Variants in RGS3 observed in about 807,000 individuals in gnomAD.
The protein encoded by RGS3 is regulator of G-protein signalling 3.
Under a neutral mutation model 132.6 loss-of-function variants are expected in RGS3, and 80 were observed. The observed-to-expected ratio is 0.60, with a 90% CI of 0.50 to 0.73. The LOEUF is 0.73. Among genes scored for constraint, RGS3 ranks in the 30% least tolerant of loss-of-function variants. RGS3 has a pLI of 0.00. For missense variants in RGS3, 1,382 were observed against 1,530.8 expected, an observed-to-expected ratio of 0.90 and a Z score of 1.62; for synonymous variants, 598 against 620.6, an observed-to-expected ratio of 0.96 and a Z score of 0.54.
chr9:113,595,944 A>T (rs187173030), intron 24 of RGS3, among the ~76,000 whole-genome samples, 179 bp downstream of exon 22: 13 of 152,352 alleles, frequency 8.5e-5, no homozygotes, highest in Admixed American at 7.8e-4. Flanking sequence ...CCAGTTAGTA[A>T]TAAAAATGGC....
intron 4 of RGS3, among the ~76,000 whole-genome samples, chr9:113,482,053 A>C (rs1830177936): frequency 6.6e-6 from 1 of 151,714 alleles, no homozygotes; most frequent in African/African-American, 2.4e-5. Flanking sequence ...TCTCAAAAAA[A>C]AAAAAAACAA....
At chr9:113,581,124 C>A in intron 19 of RGS3, 1 of 358,058 alleles carries the variant, frequency 2.8e-6, no homozygotes, top group Non-Finnish European at 3.9e-6. Flanking sequence ...ATGGAGAATG[C>A]TCCCTGGTGG....
intron 3 of RGS3, among the ~76,000 whole-genome samples, chr9:113,464,926 G>A (rs910376245): frequency 6.6e-6 from 1 of 152,114 alleles, no homozygotes; most frequent in Non-Finnish European, 1.5e-5. Flanking sequence ...TTTTTCCTTA[G>A]GGGTAGAGGG....
rs77792367 is a variant in RGS3, at chr9:113,501,727, T to C, written c.897+3647T>C. 1,569 of 1,282,550 alleles carry C rather than the reference T, an allele frequency of 1.2e-3. 21 individuals are homozygous for C. The African/African-American group carries it at 0.021, about 17-fold the overall frequency. The allele number at this position is 1,282,550 out of a possible 1,614,324, so 79.4% of individuals were successfully genotyped here. Reference sequence around the variant, plus strand: ...GATCTCGCTCCTCACAAGGTCTTCTTTGACCTTTCCTGCTCCCTGCAGGCT... The same window carrying C: ...GATCTCGCTCCTCACAAGGTCTTCTCTGACCTTTCCTGCTCCCTGCAGGCT... On this transcript the variant is annotated intron_variant, in intron 10 of 24. Transcript: ENST00000350696.
intron 14 of RGS3, among the ~76,000 whole-genome samples, chr9:113,510,524 C>T (rs1435272685): frequency 2.6e-5 from 4 of 152,080 alleles, no homozygotes; most frequent in Non-Finnish European, 5.9e-5. Context: ...GGAGTCTGGT[C>T]GTGGAGGAGG....
chr9:113,557,601 T>A (rs546890600), intron 19 of RGS3, among the ~76,000 whole-genome samples: 90 of 152,326 alleles, frequency 5.9e-4, no homozygotes, highest in African/African-American at 2.1e-3. Flanking sequence ...AGATCTCAGA[T>A]GTCGTCTACT....
intron 3 of RGS3, among the ~76,000 whole-genome samples, chr9:113,467,086 T>C (rs373254322): frequency 8.5e-5 from 13 of 152,364 alleles, no homozygotes; most frequent in African/African-American, 3.1e-4. Context: ...ATTCATTGTA[T>C]GGCTATACCA....
chr9:113,456,352 C>G (rs1190673961), upstream of RGS3, among the ~76,000 whole-genome samples: 1 of 152,214 alleles, frequency 6.6e-6, no homozygotes, highest in African/African-American at 2.4e-5. Flanking sequence ...ACATGGGTCA[C>G]CCAACCTTAG....
intron 19 of RGS3, among the ~76,000 whole-genome samples, chr9:113,578,376 G>A (rs947561839): frequency 1.3e-5 from 2 of 152,206 alleles, no homozygotes; most frequent in Non-Finnish European, 2.9e-5. Flanking sequence ...GAAATCCTAT[G>A]TTATGGCTAA....
intron 7 of RGS3, among the ~76,000 whole-genome samples, chr9:113,488,549 C>T (rs1014986025): frequency 6.6e-6 from 1 of 152,284 alleles, no homozygotes; most frequent in African/African-American, 2.4e-5. Flanking sequence ...CCCAGAAAGC[C>T]CTTTGGGTGG....
chr9:113,472,461 AC>A (rs979276062), intron 3 of RGS3, among the ~76,000 whole-genome samples: 4 of 152,238 alleles, frequency 2.6e-5, no homozygotes, highest in Non-Finnish European at 5.9e-5. Context: ...AAATACTGAT[AC>A]GTGCTACAAT....
At chr9:113,583,829 C>A in exon 20 of RGS3, 1 of 1,614,048 alleles carries the variant, frequency 6.2e-7, no homozygotes, top group Non-Finnish European at 8.5e-7. Context: ...ATCCAGGAAT[C>A]CCCCACCCGG....
At chr9:113,479,258 G>A (rs1349011699) in intron 3 of RGS3, 3 of 567,596 alleles carry the variant, frequency 5.3e-6, no homozygotes, top group Non-Finnish European at 3.2e-6. Context: ...CATCACCAGA[G>A]GGGCACAAGC....
chr9:113,583,049 T>C, intron 19 of RGS3: 1 of 234,442 alleles, frequency 4.3e-6, no homozygotes, highest in Non-Finnish European at 8.4e-6. Flanking sequence ...GGTTCTCCTT[T>C]ATCCCCAGAG....
Position 113,499,624 on chromosome 9 carries a change from T to G in RGS3, c.897+1544T>G, listed in dbSNP as rs567050372. Among the ~76,000 whole-genome samples the G allele has an allele frequency of 1.4e-4, 21 of 152,376 alleles. No individual in the cohort carries two copies. In the South Asian group the frequency reaches 1.4e-3, roughly 11 times the overall value. ...ACTCATTCATCATTCATTAAATATT[T>G]CCACCTATGTAGGCTGGGCCCTGTG... On this transcript the variant is annotated intron_variant, in intron 10 of 24. Transcript: ENST00000350696.
rs1043750262 is a variant in RGS3, at chr9:113,487,101, T to C, written c.689+1408T>C. On this transcript the variant is annotated intron_variant, in intron 7 of 24. Coordinates refer to ENST00000350696, the Ensembl canonical transcript of RGS3. ...AACAGTGCATTGTCTCATTTAATTC[T>C]TTTTTTTTTTTTTTTTTTTTTGAGA... 1.4e-4 allele frequency among the ~76,000 whole-genome samples: 15 copies of C among 106,686 alleles called. No individual in the cohort carries two copies. In the East Asian group the frequency reaches 1.9e-3, roughly 14 times the overall value. The allele number at this position is 106,686 out of a possible 152,430, so 70.0% of individuals were successfully genotyped here.
At chr9:113,452,794 T>C (rs939572529) in intron 1 of RGS3, among the ~76,000 whole-genome samples, 18 of 150,044 alleles carry the variant, frequency 1.2e-4, no homozygotes, top group African/African-American at 4.2e-4. Context: ...TCACCGATCT[T>C]TTTTTGTGCA....
intron 19 of RGS3, among the ~76,000 whole-genome samples, chr9:113,558,720 C>T (rs1257294952): frequency 6.6e-6 from 1 of 152,228 alleles, no homozygotes; most frequent in Non-Finnish European, 1.5e-5. Context: ...TGTAGCATCA[C>T]ACTGCATGTG....
Position 113,507,802 on chromosome 9 carries a change from G to T in RGS3, c.1437+164G>T, listed in dbSNP as rs1831205951. Among the ~76,000 whole-genome samples, 2 of 152,210 alleles carry T rather than the reference G, an allele frequency of 1.3e-5. No homozygotes were observed. Among genetic ancestry groups the T allele is most frequent in the African/African-American group, 4.8e-5 (2 of 41,446 alleles). On this transcript the variant is annotated intron_variant, in intron 13 of 24. Coordinates refer to ENST00000350696, the Ensembl canonical transcript of RGS3. This position sits in a 1 kb window ranked among gnomAD's most constrained non-coding sequence, Gnocchi z 5.0. ...CTCTGCCTTCTGCAAGGCTGTTCTTGGTAGGGAGGACAGATGGGTCTATGT... is the reference window on the plus strand; with the variant it reads ...CTCTGCCTTCTGCAAGGCTGTTCTTTGTAGGGAGGACAGATGGGTCTATGT...
Sources: gnomAD v4.1 joint callset for allele counts (sites outside exome capture counted in the v4.1 genomes callset) on GRCh38, gnomAD v4.1.1 for gene constraint, Gnocchi (gnomAD v3.1) non-coding constraint, MANE v1.5 for transcripts, NCBI Gene and HGNC (gene_info 2026-07-23, HGNC 2026-07-21) for gene names.